The following ZRANB3 variants were observed in gnomAD, a reference collection of about 807,000 sequenced individuals.
The protein encoded by ZRANB3 is zinc finger RANBP2-type containing 3, also known as DNA annealing helicase and endonuclease ZRANB3.
In ZRANB3, 125 loss-of-function variants were observed where a neutral mutation model predicts 133.8. The observed-to-expected ratio is 0.93, with a 90% confidence interval of 0.81 to 1.08. The LOEUF is 1.08. Among genes scored for constraint, ZRANB3 ranks in the 50% least tolerant of loss-of-function variants. The probability of loss-of-function intolerance (pLI) is 0.00; values close to 1 mark genes in which losing one functional copy is unlikely to be tolerated. For synonymous variants in ZRANB3, 387 were observed against 432.7 expected (o/e 0.89, Z 1.31); for missense variants, 1,229 against 1,275.5 (o/e 0.96, Z 0.56).
chr2:135,402,176 G>T (rs904957059), intron 2 of ZRANB3, among the ~76,000 whole-genome samples: 41 of 151,886 alleles, frequency 2.7e-4, no homozygotes, highest in African/African-American at 9.2e-4. Context: ...AATGACTTCA[G>T]TGATTAATCA....
chr2:135,319,313 T>A (rs965367620), intron 6 of ZRANB3, among the ~76,000 whole-genome samples: 3 of 152,182 alleles, frequency 2.0e-5, no homozygotes, highest in African/African-American at 7.2e-5. Flanking sequence ...ACTTATCACA[T>A]CTATAATGTT....
chr2:135,500,407 G>A (rs1001511706), intron 2 of ZRANB3, among the ~76,000 whole-genome samples: 1 of 152,116 alleles, frequency 6.6e-6, no homozygotes, highest in African/African-American at 2.4e-5. Context: ...ATAAATTATG[G>A]TATATTCACA....
intron 2 of ZRANB3, among the ~76,000 whole-genome samples, chr2:135,402,148 A>G (rs1286003704): frequency 6.6e-6 from 1 of 152,040 alleles, no homozygotes; most frequent in Non-Finnish European, 1.5e-5. Context: ...AGGCTTTTGG[A>G]AAATATTTTT....
intron 8 of ZRANB3, among the ~76,000 whole-genome samples, chr2:135,291,541 T>C (rs1369557629): frequency 1.3e-5 from 2 of 151,996 alleles, no homozygotes; most frequent in African/African-American, 4.8e-5. Context: ...TTGGAGGCTA[T>C]GTTCATTTTT....
intron 8 of ZRANB3, among the ~76,000 whole-genome samples, chr2:135,282,831 A>T (rs1681158427): frequency 6.6e-6 from 1 of 152,194 alleles, no homozygotes; most frequent in African/African-American, 2.4e-5. Flanking sequence ...TTATCAATCA[A>T]TCTATCAATT....
intron 2 of ZRANB3, among the ~76,000 whole-genome samples, chr2:135,419,469 T>A (rs905734914): frequency 9.2e-5 from 14 of 152,082 alleles, no homozygotes; most frequent in Non-Finnish European, 2.1e-4. Context: ...GAGAAAATCA[T>A]GTTTATTTGG....
intron 2 of ZRANB3, 184 bp downstream of exon 2, chr2:135,504,145 T>G (rs1175062559): frequency 2.9e-6 from 2 of 697,468 alleles, no homozygotes; most frequent in Admixed American, 2.3e-5. Context: ...AAATCACAAT[T>G]GGTTCAATAT....
intron 12 of ZRANB3, among the ~76,000 whole-genome samples, chr2:135,232,476 G>A (rs187032502): frequency 1.2e-4 from 19 of 152,340 alleles, no homozygotes; most frequent in Non-Finnish European, 2.5e-4. Flanking sequence ...CTGGAGATCT[G>A]AGAATGGACA....
chr2:135,266,259 G>C (rs1467933404), intron 11 of ZRANB3, among the ~76,000 whole-genome samples: 3 of 152,126 alleles, frequency 2.0e-5, no homozygotes, highest in Non-Finnish European at 4.4e-5. Context: ...TGACAAAACA[G>C]ACTCTTTGTA....
At chr2:135,379,597 G>A (rs577845457) in intron 3 of ZRANB3, among the ~76,000 whole-genome samples, 4 of 152,206 alleles carry the variant, frequency 2.6e-5, no homozygotes, top group African/African-American at 7.2e-5. Context: ...ATCCTTTACA[G>A]ACAAGCAAAT....
chr2:135,390,289 A>C (rs1349328084), intron 3 of ZRANB3, among the ~76,000 whole-genome samples: 1 of 152,198 alleles, frequency 6.6e-6, no homozygotes, highest in East Asian at 1.9e-4. Context: ...GTACACAAAG[A>C]ATATCATAGT....
chr2:135,505,153 T>C (rs996624511), intron 1 of ZRANB3, among the ~76,000 whole-genome samples: 1 of 152,166 alleles, frequency 6.6e-6, no homozygotes, highest in East Asian at 1.9e-4. Flanking sequence ...ATGTCATATA[T>C]CTGTAAATTC....
intron 12 of ZRANB3, among the ~76,000 whole-genome samples, chr2:135,259,513 GGTT>G (rs1679838490): frequency 6.6e-6 from 1 of 152,222 alleles, no homozygotes; most frequent in East Asian, 1.9e-4. Flanking sequence ...CCGCCTCCCG[GGTT>G]CAAGCGATTC....
intron 3 of ZRANB3, among the ~76,000 whole-genome samples, chr2:135,358,117 T>C (rs1685516693): frequency 6.6e-6 from 1 of 152,206 alleles, no homozygotes; most frequent in Admixed American, 6.6e-5. Flanking sequence ...CCCATCTCTG[T>C]CTACTTAGTA....
intron 12 of ZRANB3, among the ~76,000 whole-genome samples, chr2:135,242,025 C>T (rs980773546): frequency 6.6e-6 from 1 of 151,988 alleles, no homozygotes; most frequent in Non-Finnish European, 1.5e-5. Flanking sequence ...ACAAAAAATA[C>T]AAAAAGTAGC....
At chr2:135,432,741 C>G (rs530343377) in intron 2 of ZRANB3, among the ~76,000 whole-genome samples, 16 of 152,200 alleles carry the variant, frequency 1.1e-4, no homozygotes, top group African/African-American at 3.6e-4. Context: ...ACAGTCTTAT[C>G]TAAAATGTCT....
intron 1 of ZRANB3, among the ~76,000 whole-genome samples, chr2:135,514,354 C>T (rs182576646): frequency 8.1e-4 from 123 of 152,278 alleles, no homozygotes; most frequent in Admixed American, 1.9e-3. Context: ...AGAGGTCCTT[C>T]ACCTCCATTG....
At chr2:135,385,220 G>A (rs1437181897) in intron 3 of ZRANB3, among the ~76,000 whole-genome samples, 7 of 152,000 alleles carry the variant, frequency 4.6e-5, no homozygotes, top group Non-Finnish European at 4.4e-5. Flanking sequence ...GAGCCAAATG[G>A]TGAGTGAACT....
intron 2 of ZRANB3, among the ~76,000 whole-genome samples, chr2:135,405,168 T>A (rs1221864270): frequency 6.6e-6 from 1 of 152,110 alleles, no homozygotes. Context: ...GGGGTTGCAA[T>A]CCTAGTCTCT....
Sources: allele counts gnomAD v4.1 joint callset (sites outside exome capture counted in the v4.1 genomes callset), GRCh38; gene constraint gnomAD v4.1.1; transcripts MANE v1.5; gene names NCBI Gene and HGNC (gene_info 2026-07-23, HGNC 2026-07-21).